The following ERC2 variants were observed in gnomAD, a reference collection of about 807,000 sequenced individuals.
ERC2 encodes the protein ERC protein 2.
In ERC2, 42 loss-of-function variants were observed where a neutral mutation model predicts 114.8. That is an observed-to-expected ratio of 0.37 (90% CI 0.29 to 0.47). ERC2 has a LOEUF of 0.47. Among genes scored for constraint, ERC2 ranks in the 20% least tolerant of loss-of-function variants. The pLI is 0.99. For synonymous variants in ERC2, 454 were observed against 425.5 expected, an observed-to-expected ratio of 1.07 and a Z score of -0.82; for missense variants, 939 against 1,150.7, an observed-to-expected ratio of 0.82 and a Z score of 2.66.
chr3:55,528,219 C>A (rs1384557183), intron 17 of ERC2, among the ~76,000 whole-genome samples: 1 of 152,052 alleles, frequency 6.6e-6, no homozygotes, highest in Non-Finnish European at 1.5e-5. Flanking sequence ...GAAACAAAAC[C>A]CTGCCTAGGA....
At chr3:56,185,266 T>C (rs911912484) in intron 3 of ERC2, 9 of 152,170 alleles carry the variant, frequency 5.9e-5, no homozygotes, top group African/African-American at 2.2e-4. Context: ...TCCCATACTT[T>C]AAAACCTCAT....
At chr3:55,682,220 C>T (rs1390193931) in intron 17 of ERC2, among the ~76,000 whole-genome samples, 1 of 152,164 alleles carries the variant, frequency 6.6e-6, no homozygotes, top group Non-Finnish European at 1.5e-5. Context: ...GAGAGAGTTG[C>T]TCCCATAGAC....
At chr3:55,746,711 C>T (rs2066330257) in intron 14 of ERC2, among the ~76,000 whole-genome samples, 1 of 152,204 alleles carries the variant, frequency 6.6e-6, no homozygotes, top group South Asian at 2.1e-4. Context: ...GGTAGCCAGG[C>T]AAAGGGCAGG....
At chr3:56,130,917 A>G (rs530214456) in intron 6 of ERC2, among the ~76,000 whole-genome samples, 139 of 152,308 alleles carry the variant, frequency 9.1e-4, no homozygotes, top group African/African-American at 3.2e-3. Flanking sequence ...ACAAAGCCTG[A>G]CCTTGCCTCA....
intron 14 of ERC2, among the ~76,000 whole-genome samples, chr3:55,761,753 G>C (rs1489361987): frequency 1.3e-5 from 2 of 151,684 alleles, no homozygotes; most frequent in Non-Finnish European, 2.9e-5. Context: ...GCGGGCGCCT[G>C]TAGTCCCAGC....
intron 3 of ERC2, among the ~76,000 whole-genome samples, chr3:56,266,030 AAAAAT>A (rs200509039): frequency 0.13 from 16,035 of 122,594 alleles, 1,392 homozygotes; most frequent in Middle Eastern, 0.22. Context: ...ATCCGACCAA[AAAAAT>A]AAAATAAAAT....
chr3:55,925,432 T>A (rs1004235767), intron 13 of ERC2, among the ~76,000 whole-genome samples: 8 of 151,980 alleles, frequency 5.3e-5, no homozygotes, highest in Non-Finnish European at 7.4e-5. Flanking sequence ...ATGAAAGGGA[T>A]GAGGAGGAGG....
At chr3:55,830,463 G>T (rs2060519959) in intron 14 of ERC2, among the ~76,000 whole-genome samples, 1 of 152,190 alleles carries the variant, frequency 6.6e-6, no homozygotes, top group African/African-American at 2.4e-5. Flanking sequence ...ATTGCTAAAT[G>T]TAAAAATGAT....
At chr3:55,884,169 G>T (rs2149311298) in intron 14 of ERC2, among the ~76,000 whole-genome samples, 1 of 152,256 alleles carries the variant, frequency 6.6e-6, no homozygotes, top group Admixed American at 6.5e-5. Context: ...AAATTAAACA[G>T]CAGAATGCTT....
intron 16 of ERC2, among the ~76,000 whole-genome samples, chr3:55,686,391 T>A (rs1278759906): frequency 6.6e-6 from 1 of 152,244 alleles, no homozygotes; most frequent in East Asian, 1.9e-4. Context: ...TGGCTCTTTC[T>A]GGTCTCTCTA....
chr3:56,108,481 G>T (rs1213199298), intron 6 of ERC2, among the ~76,000 whole-genome samples: 1 of 151,898 alleles, frequency 6.6e-6, no homozygotes, highest in East Asian at 1.9e-4. Flanking sequence ...AAAAAATAAT[G>T]ATCTGAATAC....
At position 56,457,621 on chromosome 3, in the gene ERC2, C is replaced by T. The variant is rs112090973; in HGVS notation, c.-141+10627G>A. 4.6e-4 allele frequency among the ~76,000 whole-genome samples: 70 copies of T among 152,218 alleles called. 1 individual carries two copies. Among genetic ancestry groups the T allele is most frequent in the African/African-American group, 1.6e-3 (67 of 41,552 alleles). Reference sequence around the variant, plus strand: ...AGCTTGAGTCCCATCTCCTCAATGGCTCACAGGGTCTTATGCCCTGTCACA... The same window carrying T: ...AGCTTGAGTCCCATCTCCTCAATGGTTCACAGGGTCTTATGCCCTGTCACA... On this transcript the variant is annotated intron_variant, in intron 1 of 17. Coordinates refer to ENST00000288221, the MANE Select transcript of ERC2 (RefSeq NM_015576.3).
At chr3:56,349,722 T>C (rs2058477246) in intron 2 of ERC2, among the ~76,000 whole-genome samples, 1 of 152,094 alleles carries the variant, frequency 6.6e-6, no homozygotes, top group South Asian at 2.1e-4. Flanking sequence ...CTGGCCAACA[T>C]GGTGAAACCC....
intron 13 of ERC2, among the ~76,000 whole-genome samples, chr3:55,910,273 T>A (rs2064721436): frequency 1.3e-5 from 2 of 151,948 alleles, no homozygotes; most frequent in Non-Finnish European, 2.9e-5. Flanking sequence ...ACGCCTGTAA[T>A]CCCAGCTACT....
chr3:56,243,261 C>T (rs913626248), intron 3 of ERC2, among the ~76,000 whole-genome samples: 1 of 152,170 alleles, frequency 6.6e-6, no homozygotes, highest in Non-Finnish European at 1.5e-5. Context: ...TAAAGGGCTA[C>T]CAAGAAGAAT....
At chr3:55,977,638 T>C (rs1287248977) in intron 12 of ERC2, among the ~76,000 whole-genome samples, 1 of 152,234 alleles carries the variant, frequency 6.6e-6, no homozygotes. Context: ...GATGGGTCTG[T>C]AAATGGTTTA....
At chr3:56,346,868 G>A (rs1387501308) in intron 2 of ERC2, among the ~76,000 whole-genome samples, 2 of 152,200 alleles carry the variant, frequency 1.3e-5, no homozygotes, top group African/African-American at 4.8e-5. Context: ...CAAGGAGAGA[G>A]CAGGGGAGAG....
intron 15 of ERC2, among the ~76,000 whole-genome samples, chr3:55,702,288 T>C (rs1022044192): frequency 2.0e-5 from 3 of 152,116 alleles, no homozygotes; most frequent in African/African-American, 7.2e-5. Flanking sequence ...CTGGGGGAAA[T>C]GTACACAGAG....
intron 3 of ERC2, 184 bp from the exon 4 acceptor site, chr3:56,173,704 A>C (rs2082810852): frequency 3.6e-6 from 2 of 560,986 alleles, no homozygotes; most frequent in African/African-American, 3.8e-5. Flanking sequence ...GTTCCGGTGA[A>C]AAGCTCCTGG....
Sources: gnomAD v4.1 joint callset for allele counts (sites outside exome capture counted in the v4.1 genomes callset) on GRCh38, gnomAD v4.1.1 for gene constraint, MANE v1.5 for transcripts, NCBI Gene and HGNC (gene_info 2026-07-23, HGNC 2026-07-21) for gene names.